NUMA1: variants seen among roughly 807,000 people sequenced by gnomAD.
NUMA1 encodes the protein SP-H antigen.
In NUMA1, 62 loss-of-function variants were observed where a neutral mutation model predicts 237.1. That is an observed-to-expected ratio of 0.26 (90% CI 0.21 to 0.32). The LOEUF is 0.32. Ranked by LOEUF, NUMA1 falls within the 10% of genes least tolerant of loss-of-function variation. NUMA1 has a pLI of 1.00. For missense variants in NUMA1, 2,533 were observed against 2,666.5 expected, an observed-to-expected ratio of 0.95 and a Z score of 1.10; for synonymous variants, 1,028 against 1,066.1, an observed-to-expected ratio of 0.96 and a Z score of 0.70.
intron 4 of NUMA1, among the ~76,000 whole-genome samples, chr11:72,026,208 G>A (rs1424336215): frequency 6.6e-6 from 1 of 152,160 alleles, no homozygotes. Context: ...TCTCATCTCT[G>A]TCAGGAAGCC....
chr11:72,021,404 C>T (rs902487448), intron 7 of NUMA1, 113 bp from the exon 8 acceptor site: 4 of 856,188 alleles, frequency 4.7e-6, no homozygotes, highest in Non-Finnish European at 5.7e-6. Flanking sequence ...GCCCTAGGAG[C>T]CTGCTGGATC....
At chr11:72,017,472 C>T (rs890103590) in intron 13 of NUMA1, 1 of 590,864 alleles carries the variant, frequency 1.7e-6, no homozygotes, top group South Asian at 2.0e-5. Context: ...GAAAGGTGTA[C>T]TATAAAGTGA....
chr11:72,079,089 G>A (rs1460275151), intron 1 of NUMA1, among the ~76,000 whole-genome samples: 1 of 152,206 alleles, frequency 6.6e-6, no homozygotes, highest in Non-Finnish European at 1.5e-5. Flanking sequence ...AAATGAAAAC[G>A]GGAAAGCGAA....
At position 72,006,216 on chromosome 11, in the gene NUMA1, G is replaced by A; in HGVS notation, c.5511C>T (p.Ser1837=). ...CCTGGGAAGCAGGAGCAGACCGCGTGCTGTAGAACGATGAGTTGGCGCTGT... is the reference window on the plus strand; with the variant it reads ...CCTGGGAAGCAGGAGCAGACCGCGTACTGTAGAACGATGAGTTGGCGCTGT... ...EPDSANSSFY[S]TRSAPASQAS... is the part of the protein sequence containing the mutation. The change falls in exon 22 of 27, where the codon AGC becomes AGT. Residue 1837 remains serine (S), a synonymous_variant. Coordinates refer to ENST00000393695, the MANE Select transcript of NUMA1 (RefSeq NM_006185.4). 6.2e-7 allele frequency: 1 copy of A among 1,614,164 alleles called. No homozygotes were observed. Among genetic ancestry groups the A allele is most frequent in the South Asian group, 1.1e-5 (1 of 91,082 alleles).
At chr11:72,033,379 T>TGG (rs1940595347) in intron 3 of NUMA1, among the ~76,000 whole-genome samples, 2 of 147,230 alleles carry the variant, frequency 1.4e-5, no homozygotes, top group African/African-American at 5.1e-5. Context: ...TTTTTTTTTT[T>TGG]TTTTTTTTTT....
Position 72,003,490 on chromosome 11 carries a change from G to A in NUMA1, c.*37C>T, listed in dbSNP as rs535524721. 47 of 1,608,968 alleles carry A rather than the reference G, an allele frequency of 2.9e-5. No individual in the cohort carries two copies. In the East Asian group the frequency reaches 3.3e-4, roughly 11 times the overall value. ...CGGAGGACCAGGTGAGGTCAGCATC[G>A]GGGACACAGGTGGGGCCACTCACTG... On this transcript the variant is annotated 3_prime_UTR_variant, in exon 27 of 27. Coordinates refer to ENST00000393695, the MANE Select transcript of NUMA1 (RefSeq NM_006185.4).
chr11:72,012,196 G>C, intron 16 of NUMA1: 1 of 558,106 alleles, frequency 1.8e-6, no homozygotes, highest in Non-Finnish European at 3.2e-6. Flanking sequence ...TGGAGAGGCC[G>C]ACCTGGGATG....
chr11:72,005,090 T>C, intron 23 of NUMA1, 143 bp downstream of exon 23: 3 of 1,007,404 alleles, frequency 3.0e-6, no homozygotes, highest in Non-Finnish European at 4.2e-6. Context: ...AGCTGTCTGT[T>C]CCACCTGGAA....
At chr11:72,024,483 T>A (rs749415960) in intron 4 of NUMA1, 130 bp from the exon 5 acceptor site, 7 of 804,456 alleles carry the variant, frequency 8.7e-6, no homozygotes, top group African/African-American at 1.7e-5. Flanking sequence ...CCAGATCAGA[T>A]CCTGGAGGCA....
At chr11:72,062,027 G>A (rs1452284152) in intron 2 of NUMA1, among the ~76,000 whole-genome samples, 1 of 152,138 alleles carries the variant, frequency 6.6e-6, no homozygotes, top group Non-Finnish European at 1.5e-5. Flanking sequence ...CGAACAAACT[G>A]CTGAGAGCTA....
rs538939577 is a variant in NUMA1 at position 72,006,355 on chromosome 11, A to C, written c.5464-92T>G. 1.8e-5 allele frequency: 19 copies of C among 1,051,118 alleles called. 1 individual carries two copies. The African/African-American group carries it at 3.0e-4, about 17-fold the overall frequency. 65.1% of individuals were successfully genotyped at this position (1,051,118 alleles called of 1,614,324 possible). A position where few individuals can be genotyped will look rare whatever the true frequency, so the allele number is the denominator to read the frequency against. On this transcript the variant is annotated intron_variant, in intron 21 of 26. Transcript: ENST00000393695. Reference sequence around the variant, plus strand: ...TTCCGAAGCCCTCAGATCCCACGGCACATCCATGTATTCCCAACTGCTTTG... The same window carrying C: ...TTCCGAAGCCCTCAGATCCCACGGCCCATCCATGTATTCCCAACTGCTTTG...
chr11:72,003,834 G>A (rs1331750116), intron 26 of NUMA1, 53 bp downstream of exon 26: 1 of 1,579,034 alleles, frequency 6.3e-7, no homozygotes, highest in Non-Finnish European at 8.7e-7. Context: ...GCGGTCTGGG[G>A]GGTGCCCATG....
At chr11:72,003,694 T>C (rs1955430620) in intron 26 of NUMA1, 156 bp from the exon 27 acceptor site, 1 of 1,060,168 alleles carries the variant, frequency 9.4e-7, no homozygotes, top group South Asian at 1.4e-5. Context: ...TGAGCAGCTC[T>C]GGGTGCTCTC....
chr11:72,006,953 C>T (rs1323860370), intron 21 of NUMA1, among the ~76,000 whole-genome samples: 3 of 152,252 alleles, frequency 2.0e-5, no homozygotes, highest in Non-Finnish European at 2.9e-5. Flanking sequence ...CTCAGTGCTA[C>T]GCATGGAGAG....
chr11:72,008,663 A>T, intron 20 of NUMA1, 25 bp downstream of exon 20: 1 of 1,612,774 alleles, frequency 6.2e-7, no homozygotes. Context: ...ATAAACAGAC[A>T]TAGGGAGGAA....
chr11:72,067,565 C>T (rs1943255371), intron 2 of NUMA1: 1 of 152,160 alleles, frequency 6.6e-6, no homozygotes, highest in African/African-American at 2.4e-5. Context: ...TACTTAATGT[C>T]TGATCACCCA....
chr11:72,003,458 C>T lies in NUMA1; in HGVS notation c.*69G>A. On this transcript the variant is annotated 3_prime_UTR_variant, in exon 27 of 27. Transcript: ENST00000393695. ...AGCTGAGAGAAGGCACTGAGAGGGA[C>T]AGTAGGCGGAGGACCAGGTGAGGTC... 1 of 1,476,294 alleles carries T rather than the reference C, an allele frequency of 6.8e-7. No homozygotes were observed. Among genetic ancestry groups the T allele is most frequent in the Non-Finnish European group, 9.5e-7 (1 of 1,053,650 alleles). 91.4% of individuals were successfully genotyped at this position (1,476,294 alleles called of 1,614,324 possible).
At position 72,008,740 on chromosome 11, in the gene NUMA1, T is replaced by C. The variant is rs1386457278; in HGVS notation, c.5164A>G (p.Ile1722Val). The change falls in exon 20 of 27, where the codon ATT becomes GTT. Residue 1722 changes from isoleucine (I) to valine (V), a missense_variant. Ile to Val is a conservative substitution (Grantham distance 29). Transcript: ENST00000393695. ...PQAKPQLDLS[I>V]DSLDLSCEEG... is the part of the protein sequence containing the mutation. The stretch of plus-strand genomic sequence containing the variant: ...TCGCAGCTCAGATCCAGGCTGTCAA[T>C]ACTCAAGTCCAGCTGGGGCTTAGCC... 2 of 1,614,084 alleles carry C rather than the reference T, an allele frequency of 1.2e-6. No homozygotes were observed. The highest frequency in any genetic ancestry group is 4.5e-5 in the East Asian group (2 of 44,882).
chr11:72,003,478 G>GAC lies in NUMA1; in HGVS notation c.*48_*49insGT, dbSNP rs1298228447. The GAC allele has an allele frequency of 1.4e-5, 23 of 1,589,084 alleles. 1 individual carries two copies. The highest frequency in any genetic ancestry group is 2.7e-5 in the African/African-American group (2 of 74,554). On this transcript the variant is annotated 3_prime_UTR_variant, in exon 27 of 27. Coordinates refer to ENST00000393695, the MANE Select transcript of NUMA1 (RefSeq NM_006185.4). Reference sequence around the variant, plus strand: ...AGGGACAGTAGGCGGAGGACCAGGTGAGGTCAGCATCGGGGACACAGGTGG... The same window carrying GAC: ...AGGGACAGTAGGCGGAGGACCAGGTGACAGGTCAGCATCGGGGACACAGGTGG...
Sources: allele counts gnomAD v4.1 joint callset (sites outside exome capture counted in the v4.1 genomes callset), GRCh38; gene constraint gnomAD v4.1.1; transcripts MANE v1.5; gene names NCBI Gene and HGNC (gene_info 2026-07-23, HGNC 2026-07-21).